The following ADARB2 variants were observed in gnomAD, a reference collection of about 807,000 sequenced individuals.
ADARB2 encodes inactive double-stranded RNA-specific editase B2.
A neutral mutation model predicts 62.2 loss-of-function variants in ADARB2; 25 were observed. That is an observed-to-expected ratio of 0.40 (90% CI 0.29 to 0.56). ADARB2 has a LOEUF of 0.56. ADARB2 is among the 20% of genes least tolerant of loss of function. ADARB2 has a pLI of 0.43. For synonymous variants in ADARB2, 572 were observed against 500.8 expected (o/e 1.14, Z -1.90); for missense variants, 1,071 against 1,077.4 (o/e 0.99, Z 0.08).
intron 1 of ADARB2, among the ~76,000 whole-genome samples, chr10:1,429,890 C>T (rs1361343822): frequency 6.6e-6 from 1 of 152,152 alleles, no homozygotes. Flanking sequence ...CTCTCCTCCC[C>T]TCATCTCCTT....
chr10:1,228,308 G>A (rs545220614), intron 6 of ADARB2, among the ~76,000 whole-genome samples: 1 of 152,298 alleles, frequency 6.6e-6, no homozygotes, highest in East Asian at 1.9e-4. Flanking sequence ...TAAAAACCAT[G>A]CCAAGAAAGA....
At chr10:1,525,707 C>T (rs1320641759) in intron 1 of ADARB2, among the ~76,000 whole-genome samples, 3 of 152,160 alleles carry the variant, frequency 2.0e-5, no homozygotes, top group Non-Finnish European at 1.5e-5. Context: ...CTAGCCGAGG[C>T]AGCTGGCCTG....
chr10:1,732,314 C>CAA (rs4002272), intron 1 of ADARB2, among the ~76,000 whole-genome samples: 37,751 of 105,426 alleles, frequency 0.36, 5,403 homozygotes, highest in East Asian at 0.57. Flanking sequence ...TTTCATGCCT[C>CAA]AAAAAAAAAA....
At chr10:1,676,989 CT>C in intron 1 of ADARB2, among the ~76,000 whole-genome samples, 1 of 152,318 alleles carries the variant, frequency 6.6e-6, no homozygotes, top group Non-Finnish European at 1.5e-5. Context: ...AGGAGCCCCC[CT>C]GACCTGCCTG....
At chr10:1,584,825 G>C (rs1225103459) in intron 1 of ADARB2, among the ~76,000 whole-genome samples, 1 of 152,178 alleles carries the variant, frequency 6.6e-6, no homozygotes, top group Non-Finnish European at 1.5e-5. Context: ...AGTGCATATT[G>C]CTAACTGAAA....
intron 3 of ADARB2, 52 bp downstream of exon 3, chr10:1,362,976 C>A (rs1393586553): frequency 7.9e-7 from 1 of 1,272,958 alleles, no homozygotes; most frequent in Non-Finnish European, 9.9e-7. Flanking sequence ...GTCGGGGTCT[C>A]CCCCGCGCCC....
At chr10:1,332,035 AG>A (rs1831932467) in intron 3 of ADARB2, among the ~76,000 whole-genome samples, 1 of 152,270 alleles carries the variant, frequency 6.6e-6, no homozygotes, top group African/African-American at 2.4e-5. Context: ...GACAGGGCTC[AG>A]GGTGCCATCT....
intron 1 of ADARB2, among the ~76,000 whole-genome samples, chr10:1,492,341 G>A (rs530101014): frequency 5.3e-5 from 8 of 152,160 alleles, no homozygotes; most frequent in South Asian, 2.1e-4. Context: ...GTCCTAGCTC[G>A]TTAAGAGGAG....
intron 1 of ADARB2, among the ~76,000 whole-genome samples, chr10:1,395,796 C>T (rs968945570): frequency 5.3e-5 from 8 of 152,226 alleles, no homozygotes; most frequent in Non-Finnish European, 1.0e-4. Context: ...TGGCCAGGCT[C>T]GGCTCACTGT....
chr10:1,190,784 T>A (rs1207588348), intron 8 of ADARB2, among the ~76,000 whole-genome samples: 3 of 152,230 alleles, frequency 2.0e-5, no homozygotes, highest in South Asian at 2.1e-4. Context: ...ATTCAGATCA[T>A]CTTCCATCTC....
intron 7 of ADARB2, among the ~76,000 whole-genome samples, chr10:1,203,716 G>A (rs966517413): frequency 5.3e-5 from 8 of 152,174 alleles, no homozygotes; most frequent in Non-Finnish European, 8.8e-5. Context: ...GCAGCAAAGC[G>A]GCACATTTGG....
chr10:1,582,848 G>A (rs1388380715), intron 1 of ADARB2, among the ~76,000 whole-genome samples: 1 of 152,172 alleles, frequency 6.6e-6, no homozygotes, highest in Admixed American at 6.5e-5. Context: ...CTTCAGCACT[G>A]ATTTCATAAT....
intron 3 of ADARB2, among the ~76,000 whole-genome samples, chr10:1,346,670 C>T (rs1275889222): frequency 1.3e-5 from 2 of 152,224 alleles, no homozygotes; most frequent in African/African-American, 2.4e-5. Flanking sequence ...GCAAGGCCAT[C>T]AGAGGCAGAG....
chr10:1,702,889 A>T (rs762447584), intron 1 of ADARB2, among the ~76,000 whole-genome samples: 10 of 152,278 alleles, frequency 6.6e-5, no homozygotes, highest in Non-Finnish European at 1.3e-4. Flanking sequence ...ACCACTTGCT[A>T]CAGTTATAAG....
At chr10:1,553,875 C>G (rs1290581330) in intron 1 of ADARB2, among the ~76,000 whole-genome samples, 1 of 152,198 alleles carries the variant, frequency 6.6e-6, no homozygotes, top group Non-Finnish European at 1.5e-5. Context: ...AAACCCTGCA[C>G]CTCTGGCCTG....
chr10:1,383,082 A>T (rs536938455), intron 1 of ADARB2, among the ~76,000 whole-genome samples: 165 of 152,236 alleles, frequency 1.1e-3, no homozygotes, highest in Non-Finnish European at 2.1e-3. Flanking sequence ...AAACCTTGTT[A>T]CTCACTGTGG....
chr10:1,614,707 T>C (rs546255131), intron 1 of ADARB2, among the ~76,000 whole-genome samples: 28 of 152,238 alleles, frequency 1.8e-4, no homozygotes, highest in African/African-American at 6.3e-4. Flanking sequence ...TTCAGGAGAT[T>C]GAGACCATCC....
chr10:1,730,119 C>T (rs1479433523), intron 1 of ADARB2, among the ~76,000 whole-genome samples: 2 of 152,150 alleles, frequency 1.3e-5, no homozygotes, highest in East Asian at 3.8e-4. Flanking sequence ...AGTGGGTTTA[C>T]AAATAGATTC....
chr10:1,244,080 C>T (rs959862353), intron 4 of ADARB2, among the ~76,000 whole-genome samples: 1 of 152,258 alleles, frequency 6.6e-6, no homozygotes, highest in Admixed American at 6.5e-5. Flanking sequence ...GGTGCGGGGG[C>T]TGCCCCCTAG....
Sources: gnomAD v4.1 joint callset for allele counts (sites outside exome capture counted in the v4.1 genomes callset) on GRCh38, gnomAD v4.1.1 for gene constraint, MANE v1.5 for transcripts, NCBI Gene and HGNC (gene_info 2026-07-23, HGNC 2026-07-21) for gene names.